Variants in ABTB2 observed in about 807,000 individuals in gnomAD.
ABTB2 encodes the protein ankyrin repeat and BTB domain containing 2.
Under a neutral mutation model 104.1 loss-of-function variants are expected in ABTB2, and 56 were observed. The ratio of observed to expected loss-of-function variants is 0.54; its 90% CI spans 0.43 to 0.67. The LOEUF (loss-of-function observed/expected upper bound fraction) is 0.67. Among genes scored for constraint, ABTB2 ranks in the 30% least tolerant of loss-of-function variants. The pLI, the probability that ABTB2 is intolerant of heterozygous loss-of-function variation, is 0.00. For synonymous variants in ABTB2, 606 were observed against 608.2 expected, an observed-to-expected ratio of 1.00 and a Z score of 0.05; for missense variants, 1,279 against 1,407.7, an observed-to-expected ratio of 0.91 and a Z score of 1.46.
intron 11 of ABTB2, 145 bp downstream of exon 11, chr11:34,160,758 G>C (rs1169134743): frequency 5.0e-6 from 4 of 798,370 alleles, no homozygotes; most frequent in African/African-American, 3.5e-5. Flanking sequence ...GGGTCCCTGG[G>C]TGCTGAGGGC....
At chr11:34,213,904 T>C (rs1853516387) in intron 1 of ABTB2, among the ~76,000 whole-genome samples, 1 of 152,200 alleles carries the variant, frequency 6.6e-6, no homozygotes, top group Admixed American at 6.5e-5. Context: ...TTATTTAGAA[T>C]ACTTTTTAAG....
intron 1 of ABTB2, among the ~76,000 whole-genome samples, chr11:34,302,301 C>T (rs1854716571): frequency 6.6e-6 from 1 of 152,224 alleles, no homozygotes; most frequent in African/African-American, 2.4e-5. Context: ...TATCCAAGTG[C>T]TATGATTTAT....
At chr11:34,221,144 T>A (rs1853616600) in intron 1 of ABTB2, among the ~76,000 whole-genome samples, 1 of 152,036 alleles carries the variant, frequency 6.6e-6, no homozygotes, top group Non-Finnish European at 1.5e-5. Context: ...CTAATTTTTG[T>A]ATTTTTTTAG....
intron 10 of ABTB2, among the ~76,000 whole-genome samples, chr11:34,161,705 T>C (rs1852723290): frequency 6.6e-6 from 1 of 152,174 alleles, no homozygotes; most frequent in South Asian, 2.1e-4. Flanking sequence ...TAACTTAACA[T>C]TGCTGTGGGA....
intron 1 of ABTB2, among the ~76,000 whole-genome samples, chr11:34,297,841 G>T (rs1327385868): frequency 2.0e-5 from 3 of 151,632 alleles, no homozygotes; most frequent in East Asian, 3.9e-4. Context: ...CGACGTGATG[G>T]TATTAAAAGG....
chr11:34,165,535 A>C (rs1314763095), intron 7 of ABTB2, among the ~76,000 whole-genome samples, 179 bp from the exon 8 acceptor site: 1 of 152,216 alleles, frequency 6.6e-6, no homozygotes, highest in East Asian at 1.9e-4. Context: ...CAGGGCTCAA[A>C]GTTTCTAGAA....
chr11:34,305,880 C>A (rs1177033485), intron 1 of ABTB2, among the ~76,000 whole-genome samples: 7 of 152,174 alleles, frequency 4.6e-5, no homozygotes, highest in African/African-American at 1.7e-4. Context: ...AAAAGACATT[C>A]TTCTATATCA....
chr11:34,319,849 AATAGAGATGG>A lies in ABTB2; in HGVS notation c.883+36842_883+36851del, dbSNP rs1316369539. On this transcript the variant is annotated intron_variant, in intron 1 of 16. Transcript: ENST00000435224. ...ACGCCCAGCTAATTTTTGTATTTTT[AATAGAGATGG>A]GTTTCACCATGTTGGCCAGGCTGGT... Among the ~76,000 whole-genome samples the A allele has an allele frequency of 2.6e-5, 4 of 152,064 alleles. No homozygotes were observed. The East Asian group carries it at 7.8e-4, about 29-fold the overall frequency.
intron 3 of ABTB2, among the ~76,000 whole-genome samples, chr11:34,187,815 G>A (rs945849187): frequency 6.6e-6 from 1 of 152,120 alleles, no homozygotes; most frequent in Admixed American, 6.6e-5. Flanking sequence ...GCTACTCTGA[G>A]GGCTGAGTTA....
chr11:34,293,283 G>A (rs1050868626), intron 1 of ABTB2, among the ~76,000 whole-genome samples: 10 of 152,164 alleles, frequency 6.6e-5, no homozygotes, highest in Non-Finnish European at 1.3e-4. Flanking sequence ...CTGGGCAGGG[G>A]ACACCTGATG....
At position 34,329,947 on chromosome 11, in the gene ABTB2, C is replaced by T. The variant is rs553213521; in HGVS notation, c.883+26754G>A. On this transcript the variant is annotated intron_variant, in intron 1 of 16. Coordinates refer to ENST00000435224, the MANE Select transcript of ABTB2 (RefSeq NM_145804.3). Reference sequence around the variant, plus strand: ...AATTACTTAGGAAATGAGAATGATGCACTGGATTCCCAGAACTCCGTCCCA... The same window carrying T: ...AATTACTTAGGAAATGAGAATGATGTACTGGATTCCCAGAACTCCGTCCCA... Among the ~76,000 whole-genome samples the T allele has an allele frequency of 2.0e-5, 3 of 152,312 alleles. No homozygotes were observed. The South Asian group carries it at 6.2e-4, about 32-fold the overall frequency.
chr11:34,220,892 C>T (rs1853612862), intron 1 of ABTB2, among the ~76,000 whole-genome samples: 2 of 152,056 alleles, frequency 1.3e-5, no homozygotes, highest in South Asian at 4.1e-4. Context: ...TCTCATGAGG[C>T]CTCCCTCCTT....
chr11:34,350,010 A>C (rs11032624), intron 1 of ABTB2, among the ~76,000 whole-genome samples: 22,389 of 152,156 alleles, frequency 0.15, 2,786 homozygotes, highest in East Asian at 0.35. Context: ...AGTATGCATA[A>C]GGCACAACCG....
rs185575058 is a variant in ABTB2, at chr11:34,255,359, C to T, written c.884-50669G>A. Among the ~76,000 whole-genome samples, 11 of 152,258 alleles carry T rather than the reference C, an allele frequency of 7.2e-5. 1 individual carries two copies. In the East Asian group the frequency reaches 9.6e-4, roughly 13 times the overall value. On this transcript the variant is annotated intron_variant, in intron 1 of 16. Transcript: ENST00000435224. Reference sequence around the variant, plus strand: ...AGGAAGGAATGCACCCAGCAGAGAACGGTACAGACAGCCCATGGCAGGGAT... The same window carrying T: ...AGGAAGGAATGCACCCAGCAGAGAATGGTACAGACAGCCCATGGCAGGGAT...
chr11:34,161,014 C>T lies in ABTB2; in HGVS notation c.2286G>A (p.Ser762=), dbSNP rs764721975. 95 of 1,613,486 alleles carry T rather than the reference C, an allele frequency of 5.9e-5. No individual in the cohort carries two copies. Among genetic ancestry groups the T allele is most frequent in the South Asian group, 2.2e-4 (20 of 91,068 alleles). ...AGTCCCGCAGGAGGCTCTGCACCAC[C>T]GAGTACCGCGACTGCGAGAACGAGG... ...LRTSFSQSRY[S]VVQSLLRDFS... Residue 762 remains serine (S), a synonymous_variant, in exon 11 of 17, where the codon TCG becomes TCA. Transcript: ENST00000435224.
chr11:34,308,600 T>C (rs1185884859), intron 1 of ABTB2, among the ~76,000 whole-genome samples: 1 of 152,070 alleles, frequency 6.6e-6, no homozygotes, highest in Non-Finnish European at 1.5e-5. Flanking sequence ...CCAGGTGCAA[T>C]GGCTCACACC....
intron 2 of ABTB2, among the ~76,000 whole-genome samples, chr11:34,201,786 C>T (rs1022384072): frequency 6.6e-6 from 1 of 152,244 alleles, no homozygotes; most frequent in African/African-American, 2.4e-5. Flanking sequence ...GCACATGACA[C>T]AGCCTGTTCT....
intron 4 of ABTB2, 101 bp from the exon 5 acceptor site, chr11:34,171,172 G>GCATC (rs1415385668): frequency 4.3e-5 from 56 of 1,308,342 alleles, no homozygotes; most frequent in Non-Finnish European, 5.1e-5. Context: ...GTGAGGATGA[G>GCATC]GATGGGTGGG....
chr11:34,340,067 A>AC, intron 1 of ABTB2, among the ~76,000 whole-genome samples: 1 of 121,716 alleles, frequency 8.2e-6, no homozygotes. Context: ...AAACAAACAA[A>AC]AACAAAAAAA....
Sources: gnomAD v4.1 joint callset for allele counts (sites outside exome capture counted in the v4.1 genomes callset) on GRCh38, gnomAD v4.1.1 for gene constraint, MANE v1.5 for transcripts, NCBI Gene and HGNC (gene_info 2026-07-23, HGNC 2026-07-21) for gene names.